The following OGG1 variants were observed in gnomAD, a reference collection of about 807,000 sequenced individuals.
The protein encoded by OGG1 is N-glycosylase/DNA lyase.
In OGG1, 35 loss-of-function variants were observed where a neutral mutation model predicts 42.3. That is an observed-to-expected ratio of 0.83 (90% confidence interval 0.63 to 1.10). The LOEUF is 1.10. Among genes scored for constraint, OGG1 ranks in the 50% least tolerant of loss-of-function variants. The pLI, the probability that OGG1 is intolerant of heterozygous loss-of-function variation, is 0.00. For missense variants in OGG1, 484 were observed against 446.7 expected (o/e 1.08, Z -0.75); for synonymous variants, 189 against 179.0 (o/e 1.06, Z -0.44).
In OGG1 at chr3:9,764,318, G is replaced by C. The variant is rs144451355; in HGVS notation, c.1049-1491G>C. Among the ~76,000 whole-genome samples the C allele has an allele frequency of 2.0e-4, 30 of 152,032 alleles. No homozygotes were observed. In the East Asian group the frequency reaches 4.6e-3, roughly 23 times the overall value. On this transcript the variant is annotated intron_variant, in intron 7 of 7. Transcript: ENST00000302008. ...GATTTTTTTTTTCTTTTTTTGAGAC[G>C]GAGTTTTACTCTTGTTGCTCAGGCT...
intron 2 of OGG1, among the ~76,000 whole-genome samples, chr3:9,772,790 AG>A (rs2078317818): frequency 6.6e-6 from 1 of 152,180 alleles, no homozygotes; most frequent in South Asian, 2.1e-4. Flanking sequence ...CAAAGGAATT[AG>A]GGGTGCGAGG....
At chr3:9,769,843 C>T (rs2078263131), downstream of OGG1, 1 of 152,280 alleles carries the variant, frequency 6.6e-6, no homozygotes, top group Non-Finnish European at 1.5e-5. Context: ...TGCGGCTGCC[C>T]CGCCGCGGGG....
chr3:9,768,959 C>T (rs752489195), downstream of OGG1, among the ~76,000 whole-genome samples: 45 of 151,968 alleles, frequency 3.0e-4, no homozygotes, highest in Non-Finnish European at 4.0e-4. Flanking sequence ...CAAATACAAC[C>T]CTCACAGATC....
chr3:9,754,479 G>A (rs2077445472), intron 3 of OGG1, among the ~76,000 whole-genome samples: 1 of 152,150 alleles, frequency 6.6e-6, no homozygotes, highest in African/African-American at 2.4e-5. Flanking sequence ...CTTGGGCTCC[G>A]GGGCCAATTC....
At chr3:9,769,446 G>T (rs1325201235), downstream of OGG1, among the ~76,000 whole-genome samples, 1 of 151,898 alleles carries the variant, frequency 6.6e-6, no homozygotes, top group Admixed American at 6.6e-5. Flanking sequence ...CACAAAACAC[G>T]TGGACACCCC....
chr3:9,783,080 C>T (rs2078518000), intron 3 of OGG1: 1 of 151,972 alleles, frequency 6.6e-6, no homozygotes, highest in African/African-American at 2.4e-5. Context: ...TTGTGATGAG[C>T]AAATAAAAAT....
At chr3:9,757,863 T>C (rs2077658854), downstream of OGG1, 2 of 1,594,254 alleles carry the variant, frequency 1.3e-6, no homozygotes, top group South Asian at 1.1e-5. The surrounding 1 kb of genome is among the most constrained non-coding windows in gnomAD (Gnocchi z 4.5). Context: ...TTGAAGGCAT[T>C]GAAGGGAGAG....
intron 3 of OGG1, chr3:9,783,881 G>A: frequency 7.3e-7 from 1 of 1,366,602 alleles, no homozygotes; most frequent in Non-Finnish European, 9.6e-7. Flanking sequence ...CCGGTGGACT[G>A]GCCACTGCTG....
chr3:9,769,389 A>T (rs1222283458), downstream of OGG1, among the ~76,000 whole-genome samples: 3 of 151,838 alleles, frequency 2.0e-5, no homozygotes, highest in African/African-American at 7.3e-5. Flanking sequence ...ACAATTGTAC[A>T]CCCCCTCCTA....
At chr3:9,759,586 G>T (rs544171008), downstream of OGG1, 11 of 1,614,204 alleles carry the variant, frequency 6.8e-6, no homozygotes, top group East Asian at 2.0e-4. Flanking sequence ...CTAGGATGGG[G>T]TTATGTGGTG....
chr3:9,784,304 A>C, intron 3 of OGG1: 1 of 1,476,966 alleles, frequency 6.8e-7, no homozygotes, highest in Non-Finnish European at 9.0e-7. Flanking sequence ...GGTCAGTGAA[A>C]ACCTGCCTTT....
chr3:9,761,489 A>G (rs1559697631), downstream of OGG1: 1 of 1,613,298 alleles, frequency 6.2e-7, no homozygotes, highest in Middle Eastern at 1.7e-4. Flanking sequence ...CCTATGGACC[A>G]GCAATCCACA....
At chr3:9,770,901 G>C (rs532355070), downstream of OGG1, among the ~76,000 whole-genome samples, 56 of 152,272 alleles carry the variant, frequency 3.7e-4, no homozygotes, top group African/African-American at 1.3e-3. Context: ...GCCTCCAAGT[G>C]CCACTCCCTA....
At chr3:9,779,181 ACT>A (rs1409341788) in intron 2 of OGG1, among the ~76,000 whole-genome samples, 8 of 151,038 alleles carry the variant, frequency 5.3e-5, no homozygotes, top group Admixed American at 5.3e-4. Flanking sequence ...GTTGGGTTTT[ACT>A]CTCTCTCCAC....
At chr3:9,759,735 CG>C (rs1559695157), downstream of OGG1, 1 of 1,614,100 alleles carries the variant, frequency 6.2e-7, no homozygotes. Flanking sequence ...CATCAAGTGC[CG>C]GATGAAATCT....
At chr3:9,755,756 A>G (rs2077518512) in intron 4 of OGG1, among the ~76,000 whole-genome samples, 1 of 151,868 alleles carries the variant, frequency 6.6e-6, no homozygotes, top group Admixed American at 6.6e-5. Context: ...CACTGCACCC[A>G]GCCTTTTTTT....
chr3:9,783,323 TTC>T (rs1457778961), intron 3 of OGG1: 2 of 152,106 alleles, frequency 1.3e-5, no homozygotes, highest in Non-Finnish European at 2.9e-5. Context: ...TAAATTTTTT[TTC>T]TTTTTTTTTT....
exon 4 of OGG1, chr3:9,788,005 G>C (rs556714263): frequency 1.3e-4 from 39 of 303,934 alleles, no homozygotes; most frequent in African/African-American, 7.2e-4. Context: ...GCAATGAAGA[G>C]GGATATGGCC....
chr3:9,756,797 A>G lies in OGG1; in HGVS notation c.929A>G (p.Tyr310Cys). ...TTTTTCCGGAGCCTGTGGGGACCTT[A>G]TGCTGGCTGGGCCCAAGCGGTGAGT... Reference protein sequence around the residue: ...GNFFRSLWGPYAGWAQAVLFS... With the variant: ...GNFFRSLWGPCAGWAQAVLFS... The change falls in exon 6 of 7, where the codon TAT becomes TGT. Residue 310 changes from tyrosine (Y) to cysteine (C), a missense_variant. By Grantham distance (194) the Tyr-to-Cys change is radical. Coordinates refer to ENST00000344629, the MANE Select transcript of OGG1 (RefSeq NM_002542.6). 6.2e-7 allele frequency: 1 copy of G among 1,614,042 alleles called. No homozygotes were observed. Among genetic ancestry groups the G allele is most frequent in the Non-Finnish European group, 8.5e-7 (1 of 1,180,000 alleles).
Sources: gnomAD v4.1 joint callset for allele counts (sites outside exome capture counted in the v4.1 genomes callset) on GRCh38, gnomAD v4.1.1 for gene constraint, Gnocchi (gnomAD v3.1) non-coding constraint, MANE v1.5 for transcripts, NCBI Gene and HGNC (gene_info 2026-07-23, HGNC 2026-07-21) for gene names.